Variants in CHSY1 observed in about 807,000 individuals in gnomAD.
CHSY1 encodes the protein chondroitin sulfate synthase 1.
Under a neutral mutation model 59.8 loss-of-function variants are expected in CHSY1, and 13 were observed. The ratio of observed to expected loss-of-function variants is 0.22; its 90% confidence interval spans 0.14 to 0.35. CHSY1 has a LOEUF of 0.35. Ranked by LOEUF, CHSY1 falls within the 10% of genes least tolerant of loss-of-function variation. The probability of loss-of-function intolerance (pLI) is 1.00; values close to 1 mark genes in which losing one functional copy is unlikely to be tolerated. For missense variants in CHSY1, 947 were observed against 1,030.6 expected (o/e 0.92, Z 1.11); for synonymous variants, 459 against 401.2 (o/e 1.14, Z -1.72).
chr15:101,243,050 T>A (rs1373632280), intron 1 of CHSY1, among the ~76,000 whole-genome samples: 1 of 152,198 alleles, frequency 6.6e-6, no homozygotes, highest in Non-Finnish European at 1.5e-5. Flanking sequence ...GAGCCCTTTT[T>A]TTTCTTAATT....
At chr15:101,227,985 G>C (rs1312010321) in intron 2 of CHSY1, among the ~76,000 whole-genome samples, 3 of 150,802 alleles carry the variant, frequency 2.0e-5, no homozygotes, top group Non-Finnish European at 4.4e-5. Flanking sequence ...TAAATGTCTA[G>C]TTTCCAAAAA....
At chr15:101,198,735 C>A (rs905964713) in intron 2 of CHSY1, among the ~76,000 whole-genome samples, 2 of 152,238 alleles carry the variant, frequency 1.3e-5, no homozygotes, top group Non-Finnish European at 2.9e-5. Flanking sequence ...CGGCACACTA[C>A]GGCCCACTGG....
At chr15:101,246,992 G>A (rs529398725) in intron 1 of CHSY1, among the ~76,000 whole-genome samples, 1 of 152,270 alleles carries the variant, frequency 6.6e-6, no homozygotes, top group South Asian at 2.1e-4. Flanking sequence ...AGGAATCACA[G>A]TACCATTTTA....
At position 101,251,198 on chromosome 15, in the gene CHSY1, G is replaced by C. The variant is rs749664634; in HGVS notation, c.259C>G (p.Leu87Val). 4.4e-6 allele frequency: 7 copies of C among 1,600,408 alleles called. No individual in the cohort carries two copies. Among genetic ancestry groups the C allele is most frequent in the South Asian group, 1.1e-5 (1 of 89,888 alleles). Residue 87 changes from leucine (L) to valine (V), a missense_variant, in exon 1 of 3, where the codon CTC becomes GTC. Around this residue, in one of 4 missense-constraint regions of CHSY1, gnomAD observed 232 missense variants for 188.5 expected, o/e 1.23. Transcript: ENST00000254190. ...TGGGCGGTCATGACTCCCACGAAGA[G>C]AAAGTTCCTGTCGCGCGGGCCGCCA... ...PDGGPRDRNF[L>V]FVGVMTAQKY...
Position 101,236,872 on chromosome 15 carries a change from A to C in CHSY1, c.321-1295T>G, listed in dbSNP as rs2038948957. Among the ~76,000 whole-genome samples the C allele has an allele frequency of 2.0e-5, 3 of 151,984 alleles. No individual in the cohort carries two copies. The South Asian group carries it at 6.2e-4, about 32-fold the overall frequency. On this transcript the variant is annotated intron_variant, in intron 1 of 2. Transcript: ENST00000254190. ...ATTTTAAAAACCCCTCTGTTTCTTT[A>C]TAAATTACCTATTTTGGTATGTCTT...
intron 2 of CHSY1, chr15:101,188,170 A>C (rs1400622160): frequency 2.0e-6 from 2 of 985,344 alleles, no homozygotes; most frequent in Admixed American, 6.1e-5. Flanking sequence ...ATTCGGACTT[A>C]GGCAGCGTTT....
intron 2 of CHSY1, among the ~76,000 whole-genome samples, chr15:101,180,396 G>A (rs1376080198): frequency 1.3e-5 from 2 of 152,138 alleles, no homozygotes; most frequent in Non-Finnish European, 2.9e-5. Context: ...CACATGGCAG[G>A]TGCACGCATG....
At chr15:101,181,129 C>T (rs1477489688) in intron 2 of CHSY1, among the ~76,000 whole-genome samples, 2 of 152,206 alleles carry the variant, frequency 1.3e-5, no homozygotes, top group Non-Finnish European at 2.9e-5. Flanking sequence ...TCCACCAAGG[C>T]CAGCCTTTGT....
intron 2 of CHSY1, among the ~76,000 whole-genome samples, chr15:101,195,930 T>C (rs562005633): frequency 2.0e-5 from 3 of 151,378 alleles, no homozygotes; most frequent in African/African-American, 7.3e-5. Flanking sequence ...AGTTAGTTAA[T>C]ATAAATTATA....
rs1279240880 is a variant in CHSY1 at position 101,176,346 on chromosome 15, T to TC, written c.*1041dup. The TC allele has an allele frequency of 2.5e-6, 1 of 398,488 alleles. No homozygotes were observed. The highest frequency in any genetic ancestry group is 4.4e-6 in the Non-Finnish European group (1 of 226,058). 24.7% of individuals were successfully genotyped at this position (398,488 alleles called of 1,614,324 possible). A position where few individuals can be genotyped will look rare whatever the true frequency, so the allele number is the denominator to read the frequency against. ...AAAGGAACAAAACCAAATACATTTT[T>TC]CCCCAACGTTTTGATTAGGGTGTAT... On this transcript the variant is annotated 3_prime_UTR_variant, in exon 3 of 3. Coordinates refer to ENST00000254190, the MANE Select transcript of CHSY1 (RefSeq NM_014918.5).
intron 1 of CHSY1, among the ~76,000 whole-genome samples, chr15:101,245,845 GTTGA>G (rs1439744239): frequency 3.9e-5 from 6 of 152,188 alleles, no homozygotes; most frequent in African/African-American, 9.7e-5. Context: ...TCACTTACAG[GTTGA>G]TTATTTGGAT....
rs2038182266 is a variant in CHSY1 at position 101,175,973 on chromosome 15, C to T, written c.*1415G>A. ...AGGCACATTTGATCTGAGAATTTAA[C>T]TTTCTGGTATAATGACAGATTCATT... On this transcript the variant is annotated 3_prime_UTR_variant, in exon 3 of 3. Coordinates refer to ENST00000254190, the MANE Select transcript of CHSY1 (RefSeq NM_014918.5). 1.4e-5 allele frequency: 4 copies of T among 288,530 alleles called. No homozygotes were observed. The highest frequency in any genetic ancestry group is 2.5e-5 in the Non-Finnish European group (4 of 157,846). The allele number at this position is 288,530 out of a possible 1,614,324, so 17.9% of individuals were successfully genotyped here.
chr15:101,224,586 TGC>T (rs1478099262), intron 2 of CHSY1, among the ~76,000 whole-genome samples: 1 of 152,252 alleles, frequency 6.6e-6, no homozygotes, highest in Non-Finnish European at 1.5e-5. Flanking sequence ...GGACTCCACC[TGC>T]CAAGTCTGGG....
At position 101,232,772 on chromosome 15, in the gene CHSY1, C is replaced by T. The variant is rs1429519482; in HGVS notation, c.816+2310G>A. On this transcript the variant is annotated intron_variant, in intron 2 of 2. Coordinates refer to ENST00000254190, the MANE Select transcript of CHSY1 (RefSeq NM_014918.5). The stretch of plus-strand genomic sequence containing the variant: ...GTAAGACAACATTTCAGCAGAAATA[C>T]GGGCCAAGACTACGAACAGGCAAGG... 2.0e-5 allele frequency among the ~76,000 whole-genome samples: 3 copies of T among 152,306 alleles called. No individual in the cohort carries two copies. In the East Asian group the frequency reaches 5.8e-4, roughly 29 times the overall value.
chr15:101,237,856 G>A (rs1006176125), intron 1 of CHSY1, among the ~76,000 whole-genome samples: 1 of 152,124 alleles, frequency 6.6e-6, no homozygotes, highest in African/African-American at 2.4e-5. Flanking sequence ...AATAAAAAAA[G>A]CAGTTATCAA....
intron 2 of CHSY1, among the ~76,000 whole-genome samples, chr15:101,215,668 G>C (rs532395501): frequency 1.3e-5 from 2 of 152,370 alleles, no homozygotes; most frequent in South Asian, 4.1e-4. Flanking sequence ...CTGGGAGGTG[G>C]AGGCTGCAGT....
chr15:101,246,601 T>C (rs2039055386), intron 1 of CHSY1, among the ~76,000 whole-genome samples: 1 of 152,208 alleles, frequency 6.6e-6, no homozygotes, highest in Non-Finnish European at 1.5e-5. Context: ...CCAAGAATTC[T>C]GAGCATGACG....
In CHSY1 at chr15:101,177,549, A is replaced by G. The variant is rs1224066151; in HGVS notation, c.2248T>C (p.Phe750Leu). 2 of 1,613,938 alleles carry G rather than the reference A, an allele frequency of 1.2e-6. No individual in the cohort carries two copies. Among genetic ancestry groups the G allele is most frequent in the Non-Finnish European group, 1.7e-6 (2 of 1,179,914 alleles). Residue 750 changes from phenylalanine to leucine, a missense_variant, in exon 3 of 3, where the codon TTT becomes CTT. Transcript: ENST00000254190. ...VGVVHVHHPV[F>L]CDPNLDPKQY... ...TTGGGGTCAAGATTGGGATCACAAA[A>G]GACAGGATGGTGGACGTGGACTACT...
At chr15:101,228,631 G>A (rs2038864167) in intron 2 of CHSY1, among the ~76,000 whole-genome samples, 1 of 152,132 alleles carries the variant, frequency 6.6e-6, no homozygotes, top group Non-Finnish European at 1.5e-5. Context: ...TAAAAGTGGA[G>A]GAGAAATTAG....
Sources: allele counts gnomAD v4.1 joint callset (sites outside exome capture counted in the v4.1 genomes callset), GRCh38; gene constraint gnomAD v4.1.1; regional missense constraint gnomAD v4.1.1; transcripts MANE v1.5; gene names NCBI Gene and HGNC (gene_info 2026-07-23, HGNC 2026-07-21).